The following FLNB variants were observed in gnomAD, a reference collection of about 807,000 sequenced individuals.
The protein encoded by FLNB is filamin-B.
Under a neutral mutation model 250.6 loss-of-function variants are expected in FLNB, and 111 were observed. That is an observed-to-expected ratio of 0.44 (90% CI 0.38 to 0.52). The LOEUF (loss-of-function observed/expected upper bound fraction) is 0.52. Ranked by LOEUF, FLNB falls within the 20% of genes least tolerant of loss-of-function variation. FLNB has a pLI of 0.00. For synonymous variants in FLNB, 1,302 were observed against 1,372.1 expected, an observed-to-expected ratio of 0.95 and a Z score of 1.13; for missense variants, 2,869 against 3,447.8, an observed-to-expected ratio of 0.83 and a Z score of 4.20.
chr3:58,021,742 G>A (rs2097114349), intron 1 of FLNB, among the ~76,000 whole-genome samples: 1 of 152,016 alleles, frequency 6.6e-6, no homozygotes, highest in African/African-American at 2.4e-5. Context: ...TTGGGCATGA[G>A]GTCCTCTCCT....
chr3:58,127,894 TACATGG>T, intron 24 of FLNB, among the ~76,000 whole-genome samples: 1 of 152,298 alleles, frequency 6.6e-6, no homozygotes, highest in East Asian at 1.9e-4. Flanking sequence ...CGTTTGTGGT[TACATGG>T]ATGAATTCTA....
intron 16 of FLNB, among the ~76,000 whole-genome samples, chr3:58,110,709 G>T (rs1014993938): frequency 6.6e-6 from 1 of 152,190 alleles, no homozygotes; most frequent in African/African-American, 2.4e-5. Flanking sequence ...GCCTCCCAAA[G>T]TGCTGGGATT....
chr3:58,104,907 T>G (rs2097257148), intron 10 of FLNB, among the ~76,000 whole-genome samples, 173 bp from the exon 11 acceptor site: 1 of 152,160 alleles, frequency 6.6e-6, no homozygotes, highest in Non-Finnish European at 1.5e-5. Context: ...ATTGTTGACA[T>G]AACAGTAGCT....
At chr3:58,155,460 C>T (rs745429751) in intron 40 of FLNB, among the ~76,000 whole-genome samples, 2 of 152,168 alleles carry the variant, frequency 1.3e-5, no homozygotes, top group Non-Finnish European at 2.9e-5. Context: ...TGCATATCTT[C>T]GTTAATACAT....
At position 58,053,092 on chromosome 3, in the gene FLNB, G is replaced by A. The variant is rs377010454; in HGVS notation, c.293-23954G>A. Among the ~76,000 whole-genome samples the A allele has an allele frequency of 5.3e-5, 8 of 152,338 alleles. No homozygotes were observed. In the East Asian group the frequency reaches 1.2e-3, roughly 22 times the overall value. The stretch of plus-strand genomic sequence containing the variant: ...GAGAGGGTGAGATCATTCAGTGGCA[G>A]AATGGAATGTTAACCCAGGTAGTCT... On this transcript the variant is annotated intron_variant, in intron 1 of 45. Transcript: ENST00000295956.
chr3:58,094,696 A>G (rs1479300123), intron 4 of FLNB, 140 bp from the exon 5 acceptor site: 5 of 776,044 alleles, frequency 6.4e-6, no homozygotes, highest in African/African-American at 1.7e-5. Flanking sequence ...TTTCCTTGTC[A>G]AGGCAGTTTG....
intron 1 of FLNB, among the ~76,000 whole-genome samples, chr3:58,026,552 C>T (rs1034916027): frequency 6.6e-6 from 1 of 152,182 alleles, no homozygotes; most frequent in Non-Finnish European, 1.5e-5. Flanking sequence ...GCTAGGGTGA[C>T]AGAGGAGGCT....
chr3:58,056,093 A>T (rs1256167501), intron 1 of FLNB, among the ~76,000 whole-genome samples: 2 of 131,246 alleles, frequency 1.5e-5, no homozygotes, highest in African/African-American at 4.1e-5. Flanking sequence ...TTATTTATTT[A>T]TTTATTTATT....
At chr3:58,168,091 G>A (rs984852914) in intron 43 of FLNB, among the ~76,000 whole-genome samples, 2 of 152,214 alleles carry the variant, frequency 1.3e-5, no homozygotes, top group African/African-American at 4.8e-5. Flanking sequence ...AGGGAGAGCT[G>A]GACTCTGGTG....
rs114675246 is a variant in FLNB, at chr3:58,169,935, C to A, written c.7621+142C>A. Reference sequence around the variant, plus strand: ...GTTTGCAAGTAACCATCGTCATGACCCTGTTCTCCTGCACTTAATATTTTT... The same window carrying A: ...GTTTGCAAGTAACCATCGTCATGACACTGTTCTCCTGCACTTAATATTTTT... On this transcript the variant is annotated intron_variant, in intron 45 of 45. Coordinates refer to ENST00000295956, the MANE Select transcript of FLNB (RefSeq NM_001457.4). The surrounding 1 kb of genome is among the most constrained non-coding windows in gnomAD (Gnocchi z 4.8). 61 of 625,694 alleles carry A rather than the reference C, an allele frequency of 9.7e-5. 1 individual carries two copies. In the African/African-American group the frequency reaches 1.1e-3, roughly 11 times the overall value. The allele number at this position is 625,694 out of a possible 1,614,324, so 38.8% of individuals were successfully genotyped here. A position where few individuals can be genotyped will look rare whatever the true frequency, so the allele number is the denominator to read the frequency against.
At chr3:58,016,153 G>A (rs1344179964) in intron 1 of FLNB, among the ~76,000 whole-genome samples, 5 of 150,616 alleles carry the variant, frequency 3.3e-5, no homozygotes, top group South Asian at 2.1e-4. Context: ...TCCATCTCCC[G>A]GGTTCAAGAG....
rs1346643610 is a variant in FLNB at position 58,111,876 on chromosome 3, A to T, written c.2570A>T (p.Lys857Ile). The change falls in exon 17 of 46, where the codon AAA becomes ATA. Residue 857 changes from lysine (K) to isoleucine (I), a missense_variant. This residue lies in a region of FLNB where 1,348 missense variants were observed against 1,466.7 expected (regional missense o/e 0.92). Coordinates refer to ENST00000295956, the MANE Select transcript of FLNB (RefSeq NM_001457.4). Reference protein sequence around the residue: ...KVKAEGPGLSKAGVENGKPTH... With the variant: ...KVKAEGPGLSIAGVENGKPTH... Reference sequence around the variant, plus strand: ...AAGGCAGAAGGCCCAGGGCTCAGCAAAGCAGGTAAGATGGCACGTCTAGGT... The same window carrying T: ...AAGGCAGAAGGCCCAGGGCTCAGCATAGCAGGTAAGATGGCACGTCTAGGT... 1 of 1,613,698 alleles carries T rather than the reference A, an allele frequency of 6.2e-7. No homozygotes were observed. The highest frequency in any genetic ancestry group is 8.5e-7 in the Non-Finnish European group (1 of 1,179,618).
In FLNB at chr3:58,153,466, C is replaced by T; in HGVS notation, c.6459C>T (p.His2153=). 1.2e-6 allele frequency: 2 copies of T among 1,614,280 alleles called. No homozygotes were observed. Among genetic ancestry groups the T allele is most frequent in the Non-Finnish European group, 1.7e-6 (2 of 1,180,058 alleles). Residue 2153 remains histidine (H), a synonymous_variant, in exon 39 of 46, where the codon CAC becomes CAT. Transcript: ENST00000295956. ...AEIVPMGKNS[H]CVRFVPQEMG... ...TTGTGCCCATGGGGAAGAACTCACA[C>T]TGCGTCCGGTTTGTGCCCCAGGAGA...
intron 40 of FLNB, among the ~76,000 whole-genome samples, 174 bp from the exon 41 acceptor site, chr3:58,155,786 C>G (rs1033718699): frequency 3.9e-5 from 6 of 152,174 alleles, no homozygotes; most frequent in African/African-American, 1.4e-4. Context: ...GGCCTTACCC[C>G]ACTAAGGAAA....
At chr3:58,151,899 C>A (rs2097345733) in intron 38 of FLNB, among the ~76,000 whole-genome samples, 1 of 152,252 alleles carries the variant, frequency 6.6e-6, no homozygotes, top group South Asian at 2.1e-4. Context: ...CATACTCCCC[C>A]ACCAGCACTG....
intron 16 of FLNB, among the ~76,000 whole-genome samples, chr3:58,111,523 T>G (rs1441932564): frequency 6.6e-6 from 1 of 152,078 alleles, no homozygotes; most frequent in Non-Finnish European, 1.5e-5. Context: ...TCCTGAGTAC[T>G]CAACATTCAG....
At position 58,154,945 on chromosome 3, in the gene FLNB, C is replaced by T. The variant is rs747119589; in HGVS notation, c.6772+17C>T. On this transcript the variant is annotated intron_variant, in intron 40 of 45. Coordinates refer to ENST00000295956, the MANE Select transcript of FLNB (RefSeq NM_001457.4). ...AAGAGCCTGGTATGTATTCAGGGTT[C>T]ACAAGAGGACATTTTCCTTGTTTGA... 3 of 1,611,662 alleles carry T rather than the reference C, an allele frequency of 1.9e-6. No homozygotes were observed. The highest frequency in any genetic ancestry group is 1.3e-5 in the African/African-American group (1 of 74,988).
intron 1 of FLNB, among the ~76,000 whole-genome samples, chr3:58,047,505 A>G (rs1363991088): frequency 1.3e-5 from 2 of 152,024 alleles, no homozygotes; most frequent in African/African-American, 2.4e-5. Context: ...AGAGCCTCCA[A>G]TTGTTAATGT....
chr3:58,155,524 A>G (rs113387912), intron 40 of FLNB, among the ~76,000 whole-genome samples: 227 of 152,344 alleles, frequency 1.5e-3, no homozygotes, highest in South Asian at 4.3e-3. Flanking sequence ...TGACAAAGTA[A>G]TAAGTGAAAA....
Sources: allele counts gnomAD v4.1 joint callset (sites outside exome capture counted in the v4.1 genomes callset), GRCh38; gene constraint gnomAD v4.1.1; regional missense constraint gnomAD v4.1.1; non-coding constraint Gnocchi (gnomAD v3.1); transcripts MANE v1.5; gene names NCBI Gene and HGNC (gene_info 2026-07-23, HGNC 2026-07-21).